Variants in STK32B observed in about 807,000 individuals in gnomAD.
STK32B encodes serine/threonine kinase 32B.
In STK32B, 43 loss-of-function variants were observed where a neutral mutation model predicts 52.6. The observed-to-expected ratio is 0.82, with a 90% CI of 0.64 to 1.05. The LOEUF (loss-of-function observed/expected upper bound fraction) is 1.05. Among genes scored for constraint, STK32B ranks in the 50% least tolerant of loss-of-function variants. The pLI is 0.00. For missense variants in STK32B, 621 were observed against 534.6 expected (o/e 1.16, Z -1.59); for synonymous variants, 238 against 204.3 (o/e 1.17, Z -1.41).
intron 2 of STK32B, among the ~76,000 whole-genome samples, chr4:5,149,915 AATTT>A (rs1209877251): frequency 2.0e-5 from 3 of 151,732 alleles, no homozygotes; most frequent in Non-Finnish European, 4.4e-5. Flanking sequence ...GTCTCCTCTT[AATTT>A]ATTCTCTTTA....
chr4:5,207,383 G>T (rs896832905), intron 3 of STK32B, among the ~76,000 whole-genome samples: 3 of 152,142 alleles, frequency 2.0e-5, no homozygotes, highest in Non-Finnish European at 1.5e-5. Flanking sequence ...AGATCTGGTG[G>T]TTTTATAGTT....
intron 4 of STK32B, among the ~76,000 whole-genome samples, chr4:5,346,049 A>G (rs1021619122): frequency 4.6e-5 from 7 of 152,174 alleles, no homozygotes; most frequent in African/African-American, 1.7e-4. Context: ...TTTCACATAC[A>G]GATTTTGAGC....
intron 3 of STK32B, among the ~76,000 whole-genome samples, chr4:5,233,101 A>G (rs1408897291): frequency 6.6e-6 from 1 of 152,186 alleles, no homozygotes; most frequent in Non-Finnish European, 1.5e-5. Context: ...AATATGATGC[A>G]TCAGTCTGTT....
Position 5,068,067 on chromosome 4 carries a change from T to C in STK32B, c.52+16152T>C, listed in dbSNP as rs373103414. 5.3e-5 allele frequency among the ~76,000 whole-genome samples: 8 copies of C among 152,270 alleles called. No individual in the cohort carries two copies. The East Asian group carries it at 1.2e-3, about 22-fold the overall frequency. On this transcript the variant is annotated intron_variant, in intron 1 of 11. Transcript: ENST00000282908. ...CAAATCCAAACCATATCAAAGTGGATGAATTGTGTAGGTTACTTTCAATGG... is the reference window on the plus strand; with the variant it reads ...CAAATCCAAACCATATCAAAGTGGACGAATTGTGTAGGTTACTTTCAATGG...
chr4:5,331,711 A>G (rs1320017839), intron 4 of STK32B, among the ~76,000 whole-genome samples: 1 of 152,084 alleles, frequency 6.6e-6, no homozygotes, highest in Non-Finnish European at 1.5e-5. Context: ...TTACAGGAGC[A>G]TTATTATACT....
intron 11 of STK32B, among the ~76,000 whole-genome samples, chr4:5,497,706 G>C (rs550134181): frequency 4.4e-4 from 47 of 107,384 alleles, no homozygotes; most frequent in African/African-American, 2.7e-3. Flanking sequence ...CATTCCCACT[G>C]TGCGCACACA....
At chr4:5,366,306 TTC>T (rs564020949) in intron 4 of STK32B, among the ~76,000 whole-genome samples, 69 of 152,236 alleles carry the variant, frequency 4.5e-4, no homozygotes, top group Admixed American at 1.8e-3. Flanking sequence ...TCACAGTTCA[TTC>T]TGTTTGCTCG....
chr4:5,119,761 C>G (rs544354033), intron 1 of STK32B, among the ~76,000 whole-genome samples: 1 of 152,210 alleles, frequency 6.6e-6, no homozygotes, highest in Admixed American at 6.5e-5. Context: ...CATATGTGAG[C>G]GACCTAAATT....
chr4:5,150,241 G>T (rs7699239), intron 2 of STK32B, among the ~76,000 whole-genome samples: 49,590 of 151,904 alleles, frequency 0.33, 9,541 homozygotes, highest in Non-Finnish European at 0.44. Context: ...CTTTGTTTAG[G>T]TTTCCTATCT....
At chr4:5,420,290 A>G (rs184976412) in intron 6 of STK32B, among the ~76,000 whole-genome samples, 11 of 152,304 alleles carry the variant, frequency 7.2e-5, no homozygotes, top group East Asian at 5.8e-4. Flanking sequence ...AGTAGTCTTC[A>G]TGGGAGCCTG....
At chr4:5,431,857 G>C (rs917757364) in intron 6 of STK32B, among the ~76,000 whole-genome samples, 1 of 152,118 alleles carries the variant, frequency 6.6e-6, no homozygotes, top group Non-Finnish European at 1.5e-5. Context: ...AAGAGCCAAA[G>C]AAATATAAAT....
chr4:5,110,785 T>G (rs1049057834), intron 1 of STK32B, among the ~76,000 whole-genome samples: 13 of 152,056 alleles, frequency 8.5e-5, no homozygotes, highest in African/African-American at 3.1e-4. Context: ...ACTAAAAAGC[T>G]TATGCATAGC....
intron 1 of STK32B, among the ~76,000 whole-genome samples, chr4:5,126,276 C>T (rs1330780646): frequency 6.6e-6 from 1 of 152,186 alleles, no homozygotes; most frequent in Non-Finnish European, 1.5e-5. Context: ...TTATCTCCAT[C>T]CCTTCTTGTC....
At chr4:5,162,973 C>A (rs1006956944) in intron 2 of STK32B, among the ~76,000 whole-genome samples, 1 of 152,148 alleles carries the variant, frequency 6.6e-6, no homozygotes, top group Non-Finnish European at 1.5e-5. Flanking sequence ...CAGGGAAGAA[C>A]GGAAGCCTCT....
chr4:5,190,637 C>G (rs1461666110), intron 3 of STK32B, among the ~76,000 whole-genome samples: 1 of 152,260 alleles, frequency 6.6e-6, no homozygotes, highest in East Asian at 1.9e-4. Flanking sequence ...ACACGGAGAT[C>G]GGCAAAACTC....
chr4:5,281,186 C>G (rs1317536394), intron 3 of STK32B, among the ~76,000 whole-genome samples: 1 of 152,120 alleles, frequency 6.6e-6, no homozygotes, highest in African/African-American at 2.4e-5. Flanking sequence ...AGGGGGAAAT[C>G]TGTCCCCATG....
chr4:5,438,210 G>A lies in STK32B; in HGVS notation c.563-8463G>A, dbSNP rs1416813236. 10 of 866,230 alleles carry A rather than the reference G, an allele frequency of 1.2e-5. No individual in the cohort carries two copies. The African/African-American group carries it at 1.8e-4, about 16-fold the overall frequency. The allele number at this position is 866,230 out of a possible 1,614,324, so 53.7% of individuals were successfully genotyped here. ...CTCAAGCCCTCAGGACTGAGAAGAG[G>A]AACAGGCACACACTCTGGTGCAGGG... is the stretch of plus-strand genomic sequence containing the variant. On this transcript the variant is annotated intron_variant, in intron 6 of 11. Transcript: ENST00000282908.
chr4:5,286,296 A>G (rs145047672), intron 3 of STK32B, among the ~76,000 whole-genome samples: 410 of 152,334 alleles, frequency 2.7e-3, no homozygotes, highest in African/African-American at 8.6e-3. Flanking sequence ...CAAGTCATCT[A>G]TAAGATGTGG....
At position 5,166,212 on chromosome 4, in the gene STK32B, G is replaced by A. The variant is rs370648771; in HGVS notation, c.109-2087G>A. Among the ~76,000 whole-genome samples, 77 of 152,132 alleles carry A rather than the reference G, an allele frequency of 5.1e-4. No individual in the cohort carries two copies. In the South Asian group the frequency reaches 0.014, roughly 27 times the overall value. ...TCAAGCCAACAGCGTTATTGCCGGC[G>A]TGTCCCATTTCTCAGGAAGGCCACA... On this transcript the variant is annotated intron_variant, in intron 2 of 11. Coordinates refer to ENST00000282908, the MANE Select transcript of STK32B (RefSeq NM_018401.3).
Sources: allele counts gnomAD v4.1 joint callset (sites outside exome capture counted in the v4.1 genomes callset), GRCh38; gene constraint gnomAD v4.1.1; transcripts MANE v1.5; gene names NCBI Gene and HGNC (gene_info 2026-07-23, HGNC 2026-07-21).